The following TET1 variants were observed in gnomAD, a reference collection of about 807,000 sequenced individuals.
TET1 encodes tet methylcytosine dioxygenase 1.
In TET1, 13 loss-of-function variants were observed where a neutral mutation model predicts 148.7. That is an observed-to-expected ratio of 0.09 (90% CI 0.06 to 0.14). The LOEUF is 0.14. TET1 is among the 10% of genes least tolerant of loss of function. The probability of loss-of-function intolerance (pLI) is 1.00; values close to 1 mark genes in which losing one functional copy is unlikely to be tolerated. For synonymous variants in TET1, 907 were observed against 937.2 expected, an observed-to-expected ratio of 0.97 and a Z score of 0.59; for missense variants, 2,182 against 2,553.8, an observed-to-expected ratio of 0.85 and a Z score of 3.14.
rs569362438 is a variant in TET1 at position 68,565,584 on chromosome 10, T to A, written c.-123+4842T>A. Among the ~76,000 whole-genome samples the A allele has an allele frequency of 1.7e-3, 259 of 151,730 alleles. 7 individuals carry two copies. The highest frequency in any genetic ancestry group is 5.6e-4 in the Non-Finnish European group (38 of 67,922). ...AATGGAAGCAGAGCATTTAATAATG[T>A]TTACAAAAAAGAAATTAATTTCTGG... On this transcript the variant is annotated intron_variant, in intron 1 of 11. Coordinates refer to ENST00000373644, the MANE Select transcript of TET1 (RefSeq NM_030625.3).
chr10:68,652,469 A>G, intron 5 of TET1, 32 bp from the exon 6 acceptor site: 2 of 1,485,200 alleles, frequency 1.3e-6, no homozygotes, highest in Admixed American at 1.9e-5. Flanking sequence ...GCAATTAATT[A>G]GTACATTCCC....
intron 1 of TET1, among the ~76,000 whole-genome samples, chr10:68,568,954 G>A (rs2053636295): frequency 6.6e-6 from 1 of 152,114 alleles, no homozygotes; most frequent in African/African-American, 2.4e-5. Context: ...GACATTTCTG[G>A]GTTTGGGCAG....
intron 1 of TET1, among the ~76,000 whole-genome samples, chr10:68,567,280 CA>C (rs766235776): frequency 2.6e-5 from 4 of 152,134 alleles, no homozygotes; most frequent in Non-Finnish European, 5.9e-5. Flanking sequence ...ATCACAGATT[CA>C]AACCCAGGAC....
intron 3 of TET1, among the ~76,000 whole-genome samples, chr10:68,642,830 C>G (rs145138737): frequency 1.9e-3 from 283 of 152,260 alleles, no homozygotes; most frequent in Non-Finnish European, 3.3e-3. Flanking sequence ...GTCTTGAACT[C>G]CTGATCTCAG....
At chr10:68,604,661 G>A (rs1330696909) in intron 3 of TET1, among the ~76,000 whole-genome samples, 1 of 152,170 alleles carries the variant, frequency 6.6e-6, no homozygotes, top group South Asian at 2.1e-4. Flanking sequence ...TGTAGTACAC[G>A]CTGGTCAGCC....
rs952614052 is a variant in TET1, at chr10:68,567,115, T to C, written c.-122-5102T>C. Among the ~76,000 whole-genome samples, 29 of 152,186 alleles carry C rather than the reference T, an allele frequency of 1.9e-4. No homozygotes were observed. In the South Asian group the frequency reaches 2.1e-3, roughly 11 times the overall value. On this transcript the variant is annotated intron_variant, in intron 1 of 11. Coordinates refer to ENST00000373644, the MANE Select transcript of TET1 (RefSeq NM_030625.3). ...GTCCATCTTTTTACTCTGCTACCCA[T>C]GTCCCCTGACACTCAAACCACAGAT...
rs2053705166 is a variant in TET1, at chr10:68,574,383, G to A, written c.1914+131G>A. The A allele has an allele frequency of 1.6e-5, 12 of 742,382 alleles. No homozygotes were observed. In the South Asian group the frequency reaches 2.4e-4, roughly 15 times the overall value. 46.0% of individuals were successfully genotyped at this position (742,382 alleles called of 1,614,324 possible). On this transcript the variant is annotated intron_variant, in intron 2 of 11. Coordinates refer to ENST00000373644, the MANE Select transcript of TET1 (RefSeq NM_030625.3). The stretch of plus-strand genomic sequence containing the variant: ...CTTCACTATTACATATTTTTACTTT[G>A]GTACAATGTTACTTTAAGTTATCCA...
At chr10:68,641,585 G>A (rs1445213338) in intron 3 of TET1, among the ~76,000 whole-genome samples, 2 of 151,508 alleles carry the variant, frequency 1.3e-5, no homozygotes, top group Admixed American at 6.6e-5. Context: ...TGCAGTCTCC[G>A]CCTCCCGGGT....
At chr10:68,672,847 G>T in intron 7 of TET1, 48 bp from the exon 8 acceptor site, 1 of 1,543,732 alleles carries the variant, frequency 6.5e-7, no homozygotes, top group Non-Finnish European at 8.8e-7. Flanking sequence ...TCTCTCTGAG[G>T]TATTGTAATG....
chr10:68,592,594 TTG>T (rs779178080), intron 2 of TET1, among the ~76,000 whole-genome samples: 13 of 141,514 alleles, frequency 9.2e-5, no homozygotes, highest in Non-Finnish European at 2.1e-4. Context: ...TTATTGATAT[TTG>T]TATCTCCCCA....
chr10:68,607,464 ACT>A (rs1157935901), intron 3 of TET1, among the ~76,000 whole-genome samples: 5 of 150,640 alleles, frequency 3.3e-5, no homozygotes, highest in Non-Finnish European at 1.5e-5. Context: ...GACAGGTCTC[ACT>A]CTGTTGCCCA....
chr10:68,636,981 TTGTGTGTGTGTGTG>T, intron 3 of TET1, among the ~76,000 whole-genome samples: 1 of 102,490 alleles, frequency 9.8e-6, no homozygotes, highest in Non-Finnish European at 2.5e-5. Flanking sequence ...ATTTTACTCG[TTGTGTGTGTGTGTG>T]TGTGTGTGTG....
At chr10:68,682,534 GTCTT>G (rs1487836183) in intron 9 of TET1, among the ~76,000 whole-genome samples, 2 of 152,030 alleles carry the variant, frequency 1.3e-5, no homozygotes, top group Admixed American at 6.6e-5. Flanking sequence ...GCTTTTATTG[GTCTT>G]TCTTTCTAAT....
intron 7 of TET1, among the ~76,000 whole-genome samples, chr10:68,668,717 C>T (rs912904495): frequency 1.3e-5 from 2 of 152,130 alleles, no homozygotes; most frequent in Admixed American, 6.5e-5. Context: ...GTAGCTGGGA[C>T]TACAGGCATG....
chr10:68,675,463 A>G (rs2055335994), intron 8 of TET1, among the ~76,000 whole-genome samples: 2 of 152,184 alleles, frequency 1.3e-5, no homozygotes, highest in Admixed American at 1.3e-4. Flanking sequence ...GCTTATGGGC[A>G]CTGCCCCAAA....
intron 3 of TET1, among the ~76,000 whole-genome samples, chr10:68,640,034 T>C (rs923159882): frequency 4.6e-5 from 7 of 151,192 alleles, no homozygotes; most frequent in African/African-American, 1.7e-4. Context: ...TTCAAGCGAT[T>C]TTCATGCTTT....
In TET1 at chr10:68,598,316, G is replaced by A. The variant is rs564644236; in HGVS notation, c.1915-2665G>A. 1.4e-3 allele frequency among the ~76,000 whole-genome samples: 211 copies of A among 152,268 alleles called. 2 individuals are homozygous for A. Among genetic ancestry groups the A allele is most frequent in the African/African-American group, 4.1e-3 (172 of 41,550 alleles). ...TGAGGCAGCAGAATCATTTGAACCCGGAAGGCGGAGGTTGCAGTGAGCTGA... is the reference window on the plus strand; with the variant it reads ...TGAGGCAGCAGAATCATTTGAACCCAGAAGGCGGAGGTTGCAGTGAGCTGA... On this transcript the variant is annotated intron_variant, in intron 2 of 11. Coordinates refer to ENST00000373644, the MANE Select transcript of TET1 (RefSeq NM_030625.3).
Position 68,640,544 on chromosome 10 carries a change from C to CTTTTTTTTTTTTTTTT in TET1, c.1969-4144_1969-4129dup, listed in dbSNP as rs60460824. Reference sequence around the variant, plus strand: ...AAATATTCTTTTTCTTTCTTTCTTTCTTTTTTTTTTTTTTTTTTTTTTTTT... The same window carrying CTTTTTTTTTTTTTTTT: ...AAATATTCTTTTTCTTTCTTTCTTTCTTTTTTTTTTTTTTTTTTTTTTTTTTTTTTTTTTTTTTTTT... On this transcript the variant is annotated intron_variant, in intron 3 of 11. Coordinates refer to ENST00000373644, the MANE Select transcript of TET1 (RefSeq NM_030625.3). 3.5e-3 allele frequency among the ~76,000 whole-genome samples: 150 copies of CTTTTTTTTTTTTTTTT among 42,886 alleles called. 30 individuals are homozygous for CTTTTTTTTTTTTTTTT. Among genetic ancestry groups the CTTTTTTTTTTTTTTTT allele is most frequent in the East Asian group, 7.1e-3 (9 of 1,270 alleles). 28.1% of individuals were successfully genotyped at this position (42,886 alleles called of 152,430 possible).
chr10:68,666,057 T>G (rs1449332374), intron 6 of TET1, among the ~76,000 whole-genome samples: 1 of 152,176 alleles, frequency 6.6e-6, no homozygotes, highest in African/African-American at 2.4e-5. Context: ...TTTCTAAATT[T>G]TTGATACATG....
Sources: gnomAD v4.1 joint callset for allele counts (sites outside exome capture counted in the v4.1 genomes callset) on GRCh38, gnomAD v4.1.1 for gene constraint, MANE v1.5 for transcripts, NCBI Gene and HGNC (gene_info 2026-07-23, HGNC 2026-07-21) for gene names.